The following ENTREP2 variants were observed in gnomAD, a reference collection of about 807,000 sequenced individuals.
The protein encoded by ENTREP2 is protein ENTREP2.
the ENTREP2 span, chr15:29,613,657 C>T: frequency 0.05 from 9,146 of 181,848 alleles, 286 homozygotes; most frequent in East Asian, 0.16. Flanking sequence ...ATATTCGCTT[C>T]CGCACCCTCG....
chr15:29,463,932 A>G, the ENTREP2 span, among the ~76,000 whole-genome samples: 1 of 152,226 alleles, frequency 6.6e-6, no homozygotes, highest in Non-Finnish European at 1.5e-5. Context: ...TGAGGATGTT[A>G]CGCTGAGTGA....
chr15:29,269,486 C>T, the ENTREP2 span: 3 of 1,609,416 alleles, frequency 1.9e-6, no homozygotes, highest in East Asian at 6.7e-5. Flanking sequence ...ACGGCGGGGG[C>T]GGCCTGGGCC....
chr15:29,155,543 C>A, the ENTREP2 span, among the ~76,000 whole-genome samples: 1 of 152,132 alleles, frequency 6.6e-6, no homozygotes, highest in Non-Finnish European at 1.5e-5. Context: ...CCTCTGAAGA[C>A]CCCCATGTTT....
the ENTREP2 span, among the ~76,000 whole-genome samples, chr15:29,454,907 A>T: frequency 6.6e-6 from 1 of 152,220 alleles, no homozygotes; most frequent in Non-Finnish European, 1.5e-5. Flanking sequence ...GGAGATTACT[A>T]ATGCATTATA....
At chr15:29,492,105 A>C in the ENTREP2 span, among the ~76,000 whole-genome samples, 1 of 151,924 alleles carries the variant, frequency 6.6e-6, no homozygotes, top group African/African-American at 2.4e-5. Flanking sequence ...GGGCAGACAA[A>C]GGCAGCTAAA....
the ENTREP2 span, among the ~76,000 whole-genome samples, chr15:29,402,069 G>C: frequency 6.6e-6 from 1 of 152,028 alleles, no homozygotes; most frequent in Non-Finnish European, 1.5e-5. Context: ...CATGTATTAT[G>C]TTAAGCATAT....
the ENTREP2 span, among the ~76,000 whole-genome samples, chr15:29,211,632 A>G: frequency 6.6e-6 from 1 of 152,110 alleles, no homozygotes; most frequent in Non-Finnish European, 1.5e-5. Flanking sequence ...GATGGCTTTT[A>G]TTACAGTGAG....
the ENTREP2 span, among the ~76,000 whole-genome samples, chr15:29,649,715 T>C: frequency 9.0e-6 from 1 of 110,592 alleles, no homozygotes; most frequent in Admixed American, 1.2e-4. Flanking sequence ...CAAGACTCCA[T>C]CTCAACAACA....
the ENTREP2 span, among the ~76,000 whole-genome samples, chr15:29,130,931 C>T: frequency 2.0e-5 from 3 of 152,204 alleles, no homozygotes; most frequent in African/African-American, 7.2e-5. Context: ...ATAAACACAG[C>T]TCCTTACAGA....
the ENTREP2 span, chr15:29,136,607 T>C: frequency 1.7e-6 from 2 of 1,186,590 alleles, no homozygotes; most frequent in Non-Finnish European, 2.3e-6. Flanking sequence ...TCCCCTCTTC[T>C]AATACTTCCC....
At chr15:29,413,225 G>A in the ENTREP2 span, among the ~76,000 whole-genome samples, 1 of 152,126 alleles carries the variant, frequency 6.6e-6, no homozygotes, top group Non-Finnish European at 1.5e-5. Context: ...CTGTTTACAT[G>A]AGAACATCTC....
the ENTREP2 span, chr15:29,614,198 C>T: frequency 6.4e-6 from 1 of 156,144 alleles, no homozygotes; most frequent in Non-Finnish European, 1.4e-5. Flanking sequence ...CACTGGTATG[C>T]AGGGGAGGGC....
the ENTREP2 span, among the ~76,000 whole-genome samples, chr15:29,602,281 T>G: frequency 1.3e-5 from 2 of 152,142 alleles, no homozygotes; most frequent in Admixed American, 1.3e-4. Flanking sequence ...CGATAAATAT[T>G]TACTGAATTT....
chr15:29,334,861 A>C, the ENTREP2 span, among the ~76,000 whole-genome samples: 1 of 152,238 alleles, frequency 6.6e-6, no homozygotes, highest in Non-Finnish European at 1.5e-5. Context: ...GAGGAAGCCC[A>C]GGTACCCACA....
the ENTREP2 span, among the ~76,000 whole-genome samples, chr15:29,198,972 T>C: frequency 6.6e-6 from 1 of 152,274 alleles, no homozygotes; most frequent in Non-Finnish European, 1.5e-5. Context: ...GTGAATATGC[T>C]GCCATTTATA....
chr15:29,254,395 C>T, the ENTREP2 span, among the ~76,000 whole-genome samples: 1 of 152,116 alleles, frequency 6.6e-6, no homozygotes, highest in Non-Finnish European at 1.5e-5. Flanking sequence ...ATTATTGCCC[C>T]ACTGATATTG....
chr15:29,560,575 C>A, the ENTREP2 span, among the ~76,000 whole-genome samples: 2 of 152,050 alleles, frequency 1.3e-5, no homozygotes, highest in South Asian at 4.1e-4. Flanking sequence ...TCATCATTCC[C>A]AGGGAGCATG....
At chr15:29,154,271 CT>C in the ENTREP2 span, among the ~76,000 whole-genome samples, 15 of 150,548 alleles carry the variant, frequency 1.0e-4, no homozygotes, top group African/African-American at 3.2e-4. Context: ...TATTATTGTT[CT>C]TTTTTTTTGC....
At chr15:29,383,268 TC>T in the ENTREP2 span, among the ~76,000 whole-genome samples, 1 of 152,002 alleles carries the variant, frequency 6.6e-6, no homozygotes, top group Non-Finnish European at 1.5e-5. Context: ...ACCCAACATG[TC>T]CAAAAATGCA....
Sources: gnomAD v4.1 joint callset for allele counts (sites outside exome capture counted in the v4.1 genomes callset) on GRCh38, gnomAD v4.1.1 for gene constraint, MANE v1.5 for transcripts, NCBI Gene and HGNC (gene_info 2026-07-23, HGNC 2026-07-21) for gene names.